ZNF93: variants seen among roughly 807,000 people sequenced by gnomAD.
The protein encoded by ZNF93 is zinc finger protein 93, also known as zinc finger protein 505.
A neutral mutation model predicts 45.0 loss-of-function variants in ZNF93; 29 were observed. The observed-to-expected ratio is 0.64, with a 90% CI of 0.48 to 0.88. The LOEUF (loss-of-function observed/expected upper bound fraction) is 0.88. Among genes scored for constraint, ZNF93 ranks in the 40% least tolerant of loss-of-function variants. The pLI is 0.00. For missense variants in ZNF93, 578 were observed against 724.0 expected, an observed-to-expected ratio of 0.80 and a Z score of 2.31; for synonymous variants, 223 against 244.6, an observed-to-expected ratio of 0.91 and a Z score of 0.82.
At position 19,934,900 on chromosome 19, in the gene ZNF93, A is replaced by G; in HGVS notation, c.*82A>G. 7.0e-7 allele frequency: 1 copy of G among 1,429,494 alleles called. No homozygotes were observed. The highest frequency in any genetic ancestry group is 9.4e-7 in the Non-Finnish European group (1 of 1,061,164). 88.6% of individuals were successfully genotyped at this position (1,429,494 alleles called of 1,614,324 possible). On this transcript the variant is annotated 3_prime_UTR_variant, in exon 4 of 4. Coordinates refer to ENST00000343769, the MANE Select transcript of ZNF93 (RefSeq NM_031218.4). ...AGAGTTCTGAACTTACTCTGTAACC[A>G]TCCCAAACTCCTCCCAGGCACAGTC...
rs1356641958 is a variant in ZNF93, at chr19:19,901,000, G to A, written c.-89G>A. 4 of 1,576,608 alleles carry A rather than the reference G, an allele frequency of 2.5e-6. No homozygotes were observed. Among genetic ancestry groups the A allele is most frequent in the Admixed American group, 3.3e-5 (2 of 59,806 alleles). On this transcript the variant is annotated 5_prime_UTR_variant, in exon 1 of 4. Transcript: ENST00000343769. ...TCCTCTTCACTACTCTGTGTCCTGT[G>A]CTCCTACAGGCCCAGCCTCTGTGGC...
chr19:19,912,906 G>A (rs1432577728), intron 1 of ZNF93, among the ~76,000 whole-genome samples: 1 of 152,144 alleles, frequency 6.6e-6, no homozygotes, highest in African/African-American at 2.4e-5. Context: ...TAGTACCTGT[G>A]TACATGTTCT....
At chr19:19,906,758 A>G (rs545283665) in intron 1 of ZNF93, among the ~76,000 whole-genome samples, 1 of 152,076 alleles carries the variant, frequency 6.6e-6, no homozygotes, top group African/African-American at 2.4e-5. Flanking sequence ...CTAGGTAGTT[A>G]TTTGAGCACC....
At chr19:19,930,851 T>G (rs1056063224) in intron 3 of ZNF93, among the ~76,000 whole-genome samples, 1 of 152,214 alleles carries the variant, frequency 6.6e-6, no homozygotes, top group African/African-American at 2.4e-5. Context: ...TTTATTATGC[T>G]GGAACAGCTC....
intron 3 of ZNF93, chr19:19,927,405 T>C (rs549514677): frequency 1.0e-5 from 4 of 387,082 alleles, no homozygotes; most frequent in South Asian, 1.4e-4. Context: ...CACATTGTTA[T>C]GCAAAAGACT....
intron 3 of ZNF93, chr19:19,927,276 G>C: frequency 2.5e-6 from 1 of 398,220 alleles, no homozygotes; most frequent in South Asian, 1.3e-4. Context: ...TGCAGCTGTG[G>C]TCCCAGCTAC....
At chr19:19,918,553 T>C (rs2063332004) in intron 3 of ZNF93, among the ~76,000 whole-genome samples, 1 of 152,142 alleles carries the variant, frequency 6.6e-6, no homozygotes, top group Admixed American at 6.5e-5. Context: ...GTTGAACTAG[T>C]TTACAGTCCC....
chr19:19,910,248 C>G (rs2063303945), intron 1 of ZNF93, among the ~76,000 whole-genome samples: 1 of 152,118 alleles, frequency 6.6e-6, no homozygotes, highest in Non-Finnish European at 1.5e-5. Context: ...CTAAGAAATG[C>G]AAGTCCCTTT....
chr19:19,925,586 A>G (rs190905297), intron 3 of ZNF93, among the ~76,000 whole-genome samples: 1 of 152,330 alleles, frequency 6.6e-6, no homozygotes, highest in East Asian at 1.9e-4. Flanking sequence ...ATTTAGGACA[A>G]TATGCTAGAA....
In ZNF93 at chr19:19,934,357, C is replaced by G; in HGVS notation, c.1402C>G (p.Leu468Val). 1 of 1,613,850 alleles carries G rather than the reference C, an allele frequency of 6.2e-7. No homozygotes were observed. Among genetic ancestry groups the G allele is most frequent in the Non-Finnish European group, 8.5e-7 (1 of 1,179,968 alleles). Residue 468 changes from leucine to valine, a missense_variant, in exon 4 of 4, where the codon CTT becomes GTT. Transcript: ENST00000343769. ...CAAAGCTTTTAACCAGTCCTCATCCCTTACTAAACATAAGAAAATTCATAC... is the reference window on the plus strand; with the variant it reads ...CAAAGCTTTTAACCAGTCCTCATCCGTTACTAAACATAAGAAAATTCATAC... ...CGKAFNQSSS[L>V]TKHKKIHTGE...
intron 1 of ZNF93, among the ~76,000 whole-genome samples, chr19:19,905,457 A>G (rs943803578): frequency 2.0e-5 from 3 of 152,124 alleles, no homozygotes; most frequent in Non-Finnish European, 4.4e-5. Flanking sequence ...GTAAATAACA[A>G]CATGCATTTG....
intron 3 of ZNF93, among the ~76,000 whole-genome samples, chr19:19,916,882 A>G (rs886963577): frequency 1.3e-5 from 2 of 151,230 alleles, no homozygotes; most frequent in African/African-American, 4.9e-5. Flanking sequence ...TGTTTTGGTG[A>G]GCTTCCTTCA....
intron 3 of ZNF93, among the ~76,000 whole-genome samples, chr19:19,919,297 G>C (rs2063335155): frequency 6.6e-6 from 1 of 152,090 alleles, no homozygotes; most frequent in Non-Finnish European, 1.5e-5. Context: ...GCTCTGTTCT[G>C]TTCCATTGGT....
At chr19:19,929,036 C>T (rs908577313) in intron 3 of ZNF93, among the ~76,000 whole-genome samples, 6 of 152,068 alleles carry the variant, frequency 3.9e-5, no homozygotes, top group African/African-American at 1.4e-4. Context: ...ACGTTTGGGT[C>T]ATTGGGGGCA....
Position 19,934,295 on chromosome 19 carries a change from A to G in ZNF93, c.1340A>G (p.His447Arg), listed in dbSNP as rs773532551. Residue 447 changes from histidine to arginine, a missense_variant, in exon 4 of 4, where the codon CAT becomes CGT. Physicochemically the swap from His to Arg is conservative, Grantham distance 29. This residue lies in a region of ZNF93 where 446 missense variants were observed against 547.6 expected (regional missense o/e 0.81). Coordinates refer to ENST00000343769, the MANE Select transcript of ZNF93 (RefSeq NM_031218.4). ...SSTLSKHEII[H>R]TGKKPYKCEE... ...ACCCTTAGTAAACATGAGATCATTC[A>G]TACTGGAAAGAAACCCTACAAGTGT... 1.2e-6 allele frequency: 2 copies of G among 1,613,174 alleles called. No homozygotes were observed. The highest frequency in any genetic ancestry group is 1.1e-5 in the South Asian group (1 of 91,066).
chr19:19,914,069 A>T (rs1258314076), intron 1 of ZNF93, among the ~76,000 whole-genome samples: 1 of 152,192 alleles, frequency 6.6e-6, no homozygotes, highest in Non-Finnish European at 1.5e-5. Context: ...CTTATATGCC[A>T]TGCAGAATTA....
At chr19:19,907,019 A>C (rs1174353044) in intron 1 of ZNF93, among the ~76,000 whole-genome samples, 1 of 150,628 alleles carries the variant, frequency 6.6e-6, no homozygotes, top group African/African-American at 2.4e-5. Context: ...AAATTTTGCT[A>C]TTCTCTCTTC....
chr19:19,921,503 C>T (rs1320288971), intron 3 of ZNF93, among the ~76,000 whole-genome samples: 1 of 152,078 alleles, frequency 6.6e-6, no homozygotes, highest in Admixed American at 6.6e-5. Context: ...TCCTTGTTAA[C>T]TTTTTGTCTC....
rs1219861759 is a variant in ZNF93, at chr19:19,934,035, GTTCA to G, written c.1086_1089del (p.His363TrpfsTer21). On this transcript the variant is annotated frameshift_variant, in exon 4 of 4. Coordinates refer to ENST00000343769, the MANE Select transcript of ZNF93 (RefSeq NM_031218.4). LOFTEE classifies it high-confidence loss of function. ...CATCCTCAACCCTTAGTAGACATGAGTTCATTCATATGGGAAAGAAACATTACAA... is the reference window on the plus strand; with the variant it reads ...CATCCTCAACCCTTAGTAGACATGAGTTCATATGGGAAAGAAACATTACAA... 1 of 1,613,304 alleles carries G rather than the reference GTTCA, an allele frequency of 6.2e-7. No homozygotes were observed. The highest frequency in any genetic ancestry group is 8.5e-7 in the Non-Finnish European group (1 of 1,179,670).
Sources: gnomAD v4.1 joint callset for allele counts (sites outside exome capture counted in the v4.1 genomes callset) on GRCh38, gnomAD v4.1.1 for gene constraint, gnomAD v4.1.1 regional missense constraint, MANE v1.5 for transcripts, NCBI Gene and HGNC (gene_info 2026-07-23, HGNC 2026-07-21) for gene names.